The following ZCCHC14 variants were observed in gnomAD, a reference collection of about 807,000 sequenced individuals.
ZCCHC14 encodes zinc finger CCHC-type containing 14.
Under a neutral mutation model 85.0 loss-of-function variants are expected in ZCCHC14, and 16 were observed. The observed-to-expected ratio is 0.19, with a 90% CI of 0.13 to 0.29. The LOEUF (loss-of-function observed/expected upper bound fraction) is 0.29. Among genes scored for constraint, ZCCHC14 ranks in the 10% least tolerant of loss-of-function variants. The pLI is 1.00. For missense variants in ZCCHC14, 1,303 were observed against 1,443.5 expected, an observed-to-expected ratio of 0.90 and a Z score of 1.58; for synonymous variants, 775 against 630.7, an observed-to-expected ratio of 1.23 and a Z score of -3.43.
At chr16:87,437,663 T>C (rs1384576790) in intron 2 of ZCCHC14, among the ~76,000 whole-genome samples, 2 of 152,244 alleles carry the variant, frequency 1.3e-5, no homozygotes, top group Non-Finnish European at 2.9e-5. Flanking sequence ...GATATACTTT[T>C]CCCTTTGAAA....
At chr16:87,472,931 C>T (rs1346943623) in intron 1 of ZCCHC14, 1 of 152,208 alleles carries the variant, frequency 6.6e-6, no homozygotes, top group Non-Finnish European at 1.5e-5. Flanking sequence ...CCAGGCTGGT[C>T]TTGCACTACT....
chr16:87,467,173 C>T, intron 1 of ZCCHC14: 1 of 1,340,328 alleles, frequency 7.5e-7, no homozygotes, highest in Non-Finnish European at 1.1e-6. Context: ...TGTCTGCTTT[C>T]TCCTCTGGCG....
chr16:87,456,211 G>A (rs1448038291), intron 2 of ZCCHC14, among the ~76,000 whole-genome samples: 1 of 152,156 alleles, frequency 6.6e-6, no homozygotes, highest in Non-Finnish European at 1.5e-5. Flanking sequence ...ACCCAGGAAA[G>A]GCCACAGACT....
In ZCCHC14 at chr16:87,418,728, T is replaced by C. The variant is rs1282273453; in HGVS notation, c.1100+119A>G. The C allele has an allele frequency of 8.7e-6, 9 of 1,036,438 alleles. No individual in the cohort carries two copies. The Admixed American group carries it at 1.8e-4, about 21-fold the overall frequency. The allele number at this position is 1,036,438 out of a possible 1,614,324, so 64.2% of individuals were successfully genotyped here. A position where few individuals can be genotyped will look rare whatever the true frequency, so the allele number is the denominator to read the frequency against. ...ATCATCTCTACTCAATTCTTCTCAA[T>C]ATCATCCAAGACTCAACTTGAGCAT... On this transcript the variant is annotated intron_variant, in intron 7 of 12. Coordinates refer to ENST00000671377, the MANE Select transcript of ZCCHC14 (RefSeq NM_015144.3).
intron 2 of ZCCHC14, among the ~76,000 whole-genome samples, chr16:87,437,261 A>T (rs887940038): frequency 7.0e-6 from 1 of 143,192 alleles, no homozygotes; most frequent in African/African-American, 2.6e-5. Flanking sequence ...ACTTGACCCC[A>T]GGAGGCAGAG....
intron 1 of ZCCHC14, among the ~76,000 whole-genome samples, chr16:87,477,236 T>C (rs1482443350): frequency 6.7e-6 from 1 of 148,714 alleles, no homozygotes; most frequent in Non-Finnish European, 1.5e-5. Context: ...TACCTTTAAA[T>C]GAAAAGAAAA....
At chr16:87,460,986 A>G (rs143272704) in intron 1 of ZCCHC14, among the ~76,000 whole-genome samples, 1 of 152,394 alleles carries the variant, frequency 6.6e-6, no homozygotes, top group East Asian at 1.9e-4. Flanking sequence ...ACACGTGAGA[A>G]AATGACCTGA....
chr16:87,419,925 C>A, intron 5 of ZCCHC14, 48 bp from the exon 6 acceptor site: 1 of 1,503,184 alleles, frequency 6.7e-7, no homozygotes, highest in Non-Finnish European at 9.0e-7. Flanking sequence ...GGCATTCCTG[C>A]TGACGAATTG....
rs544718814 is a variant in ZCCHC14, at chr16:87,472,311, G to C, written c.571-12180C>G. On this transcript the variant is annotated intron_variant, in intron 1 of 12. Transcript: ENST00000671377. ...GGACAGCCACCATATTGACTTCCGA[G>C]GGTTGGTGCAAGGATTGAAGTAGCC... 27 of 152,318 alleles carry C rather than the reference G, an allele frequency of 1.8e-4. No individual in the cohort carries two copies. The East Asian group carries it at 5.0e-3, about 28-fold the overall frequency. 9.4% of individuals were successfully genotyped at this position (152,318 alleles called of 1,614,324 possible).
Position 87,491,868 on chromosome 16 carries a change from T to C in ZCCHC14, c.371A>G (p.Asn124Ser). 6.4e-7 allele frequency: 1 copy of C among 1,556,322 alleles called. No homozygotes were observed. The highest frequency in any genetic ancestry group is 8.6e-7 in the Non-Finnish European group (1 of 1,158,720). ...SIIHNYGLQL[N>S]EGRTGDEFLL... ...GAACTCATCGCCCGTGCGGCCCTCG[T>C]TAAGCTGCAGCCCGTAGTTGTGGAT... Residue 124 changes from asparagine (N) to serine (S), a missense_variant, in exon 1 of 13, where the codon AAC (asparagine) becomes AGC (serine). By Grantham distance (46) the Asn-to-Ser change is conservative. Around this residue, in one of 7 missense-constraint regions of ZCCHC14, gnomAD observed 19 missense variants for 55.1 expected, o/e 0.34. Transcript: ENST00000671377. This position sits in a 1 kb window ranked among gnomAD's most constrained non-coding sequence, Gnocchi z 5.9.
chr16:87,450,521 A>C (rs955314250), intron 2 of ZCCHC14, among the ~76,000 whole-genome samples: 2 of 152,116 alleles, frequency 1.3e-5, no homozygotes, highest in African/African-American at 4.8e-5. Flanking sequence ...CACAAAGAGA[A>C]ACAAAAGTAG....
chr16:87,467,568 G>T, intron 1 of ZCCHC14: 1 of 1,545,952 alleles, frequency 6.5e-7, no homozygotes, highest in Non-Finnish European at 8.9e-7. Flanking sequence ...ACCAATTCCC[G>T]TTGGTTCTGA....
chr16:87,415,890 T>G (rs1339013434), intron 8 of ZCCHC14, among the ~76,000 whole-genome samples: 1 of 152,120 alleles, frequency 6.6e-6, no homozygotes, highest in African/African-American at 2.4e-5. Context: ...TTCCTTTTTT[T>G]GAGACAAAAA....
chr16:87,489,560 A>G (rs1464005284), intron 1 of ZCCHC14, among the ~76,000 whole-genome samples: 1 of 152,290 alleles, frequency 6.6e-6, no homozygotes, highest in South Asian at 2.1e-4. Flanking sequence ...TCCTCAACAC[A>G]AGCCTGTGAG....
At chr16:87,441,104 C>T (rs772824108) in intron 2 of ZCCHC14, among the ~76,000 whole-genome samples, 5 of 151,638 alleles carry the variant, frequency 3.3e-5, no homozygotes, top group Non-Finnish European at 5.9e-5. Context: ...CCCGGGTTCA[C>T]GCCTCAGCCT....
intron 8 of ZCCHC14, among the ~76,000 whole-genome samples, 187 bp downstream of exon 8, chr16:87,417,273 C>T (rs1272707894): frequency 6.6e-6 from 1 of 152,200 alleles, no homozygotes. Context: ...TACAACATGT[C>T]CTGTTTGTGG....
intron 1 of ZCCHC14, among the ~76,000 whole-genome samples, chr16:87,478,997 T>C (rs1248277434): frequency 1.3e-5 from 2 of 152,192 alleles, no homozygotes; most frequent in African/African-American, 4.8e-5. Context: ...GGGGTGAGGG[T>C]TGTTCCTCTT....
chr16:87,481,945 TGG>T (rs1567544580), intron 1 of ZCCHC14, among the ~76,000 whole-genome samples: 1 of 152,068 alleles, frequency 6.6e-6, no homozygotes, highest in East Asian at 1.9e-4. Context: ...CATCCCATGG[TGG>T]AAGGCAGAAG....
rs890738237 is a variant in ZCCHC14 at position 87,492,220 on chromosome 16, G to C, written c.19C>G (p.Pro7Ala). MVEKRCPLQRDGVYRWF... is the reference protein window; with the variant it reads MVEKRCALQRDGVYRWF... ...CGGTACACGCCGTCCCTCTGCAGCG[G>C]GCAGCGCTTCTCCACCATGCTGCCG... Residue 7 changes from proline (P) to alanine (A), a missense_variant, in exon 1 of 13, where the codon CCG becomes GCG. Pro to Ala is a conservative substitution (Grantham distance 27). This residue lies in a region of ZCCHC14 where 29 missense variants were observed against 76.8 expected (regional missense o/e 0.38). Coordinates refer to ENST00000671377, the MANE Select transcript of ZCCHC14 (RefSeq NM_015144.3). This position sits in a 1 kb window ranked among gnomAD's most constrained non-coding sequence, Gnocchi z 6.7. 3 of 984,268 alleles carry C rather than the reference G, an allele frequency of 3.0e-6. No homozygotes were observed. Among genetic ancestry groups the C allele is most frequent in the African/African-American group, 1.8e-5 (1 of 57,110 alleles). 61.0% of individuals were successfully genotyped at this position (984,268 alleles called of 1,614,324 possible).
Sources: allele counts gnomAD v4.1 joint callset (sites outside exome capture counted in the v4.1 genomes callset), GRCh38; gene constraint gnomAD v4.1.1; regional missense constraint gnomAD v4.1.1; non-coding constraint Gnocchi (gnomAD v3.1); transcripts MANE v1.5; gene names NCBI Gene and HGNC (gene_info 2026-07-23, HGNC 2026-07-21).